Variants in MAP3K20 observed in about 807,000 individuals in gnomAD.
MAP3K20 encodes HCCS-4.
Under a neutral mutation model 85.7 loss-of-function variants are expected in MAP3K20, and 40 were observed. The ratio of observed to expected loss-of-function variants is 0.47; its 90% CI spans 0.36 to 0.61. The LOEUF is 0.61. Ranked by LOEUF, MAP3K20 falls within the 20% of genes least tolerant of loss-of-function variation. The pLI, the probability that MAP3K20 is intolerant of heterozygous loss-of-function variation, is 0.00. For missense variants in MAP3K20, 817 were observed against 961.7 expected, an observed-to-expected ratio of 0.85 and a Z score of 1.99; for synonymous variants, 325 against 327.7, an observed-to-expected ratio of 0.99 and a Z score of 0.09.
chr2:173,230,635 C>A (rs1684501224), intron 12 of MAP3K20, among the ~76,000 whole-genome samples: 1 of 152,198 alleles, frequency 6.6e-6, no homozygotes, highest in Middle Eastern at 3.2e-3. Context: ...GAGAAACAAT[C>A]CAACTTAGTC....
chr2:173,121,812 G>A (rs1324984874), intron 2 of MAP3K20, among the ~76,000 whole-genome samples: 1 of 152,032 alleles, frequency 6.6e-6, no homozygotes, highest in Non-Finnish European at 1.5e-5. Context: ...CTATCTCCAT[G>A]TTGGTAGATT....
intron 11 of MAP3K20, chr2:173,222,461 A>G: frequency 1.0e-6 from 1 of 985,848 alleles, no homozygotes. Context: ...GCCTCTTAAC[A>G]ACACACTGTC....
chr2:173,081,313 T>C (rs78613796), intron 1 of MAP3K20, among the ~76,000 whole-genome samples: 2,359 of 152,080 alleles, frequency 0.016, 60 homozygotes, highest in African/African-American at 0.054. Context: ...GGGTATGTGC[T>C]ACCTTGCCTG....
At chr2:173,114,228 CCATTT>C (rs1688053965) in intron 2 of MAP3K20, among the ~76,000 whole-genome samples, 1 of 152,068 alleles carries the variant, frequency 6.6e-6, no homozygotes, top group African/African-American at 2.4e-5. Context: ...CTTTTGGTGT[CCATTT>C]ACATGAAATG....
At chr2:173,088,571 G>T (rs957417174) in intron 1 of MAP3K20, among the ~76,000 whole-genome samples, 7 of 152,206 alleles carry the variant, frequency 4.6e-5, no homozygotes, top group African/African-American at 7.2e-5. Context: ...TGGGAATTGG[G>T]TATGGGGAAT....
intron 3 of MAP3K20, among the ~76,000 whole-genome samples, chr2:173,180,073 T>C (rs1365272959): frequency 6.6e-6 from 1 of 152,122 alleles, no homozygotes; most frequent in Non-Finnish European, 1.5e-5. Context: ...ACAATTCCTA[T>C]CCAAATCCCA....
At chr2:173,087,148 G>A (rs1020002630) in intron 1 of MAP3K20, among the ~76,000 whole-genome samples, 5 of 152,192 alleles carry the variant, frequency 3.3e-5, no homozygotes, top group African/African-American at 9.7e-5. Context: ...TAGGTGCTGA[G>A]GATCCAGATG....
intron 9 of MAP3K20, among the ~76,000 whole-genome samples, chr2:173,205,945 C>T (rs550303415): frequency 1.6e-4 from 24 of 152,208 alleles, no homozygotes; most frequent in Non-Finnish European, 3.1e-4. Flanking sequence ...ACTATAAGCA[C>T]GTATTTTCAA....
At chr2:173,257,820 C>T (rs1000523574) in intron 16 of MAP3K20, among the ~76,000 whole-genome samples, 2 of 152,146 alleles carry the variant, frequency 1.3e-5, no homozygotes, top group Non-Finnish European at 2.9e-5. Flanking sequence ...TCTTAGCCAA[C>T]ATTTGATGTT....
intron 2 of MAP3K20, among the ~76,000 whole-genome samples, chr2:173,114,976 C>T (rs1358715927): frequency 6.6e-6 from 1 of 152,190 alleles, no homozygotes; most frequent in Non-Finnish European, 1.5e-5. Flanking sequence ...AGGAAGTTTT[C>T]CTCGATTATT....
At chr2:173,232,996 A>AG (rs1684558905) in intron 14 of MAP3K20, among the ~76,000 whole-genome samples, 1 of 152,230 alleles carries the variant, frequency 6.6e-6, no homozygotes, top group Non-Finnish European at 1.5e-5. Flanking sequence ...ATGGTATAGT[A>AG]GGACTCACAG....
intron 16 of MAP3K20, among the ~76,000 whole-genome samples, chr2:173,247,131 A>C (rs574739247): frequency 3.9e-5 from 6 of 152,314 alleles, no homozygotes; most frequent in Admixed American, 3.9e-4. Flanking sequence ...CCCACTCCGC[A>C]GTGGAAGAAA....
intron 19 of MAP3K20, among the ~76,000 whole-genome samples, chr2:173,264,859 G>A (rs1025198161): frequency 3.3e-5 from 5 of 152,174 alleles, no homozygotes; most frequent in African/African-American, 1.2e-4. Context: ...GGGGAGAAGG[G>A]AGGGGAAATG....
chr2:173,214,621 A>T (rs192819500), intron 10 of MAP3K20: 2 of 152,298 alleles, frequency 1.3e-5, no homozygotes, highest in East Asian at 3.9e-4. Context: ...TCTTTTTACA[A>T]ATTGACCTTT....
chr2:173,210,078 G>A (rs1421461293), intron 10 of MAP3K20: 22 of 451,352 alleles, frequency 4.9e-5, no homozygotes, highest in African/African-American at 1.6e-4. Flanking sequence ...GAGGCCGGTC[G>A]CGGTGGCTCA....
At chr2:173,128,296 A>G (rs1217521144) in intron 2 of MAP3K20, among the ~76,000 whole-genome samples, 1 of 122,606 alleles carries the variant, frequency 8.2e-6, no homozygotes, top group Non-Finnish European at 1.8e-5. Flanking sequence ...CAGCATATGG[A>G]AAACATTATA....
intron 2 of MAP3K20, among the ~76,000 whole-genome samples, chr2:173,114,542 C>T (rs965406961): frequency 9.2e-5 from 14 of 152,068 alleles, no homozygotes; most frequent in African/African-American, 3.4e-4. Context: ...TGATGCGTTT[C>T]TAGGATTTGT....
At position 173,218,639 on chromosome 2, in the gene MAP3K20, C is replaced by T. The variant is rs73974109; in HGVS notation, c.987+1389C>T. 9.1e-3 allele frequency among the ~76,000 whole-genome samples: 1,387 copies of T among 152,220 alleles called. 25 individuals are homozygous for T. Among genetic ancestry groups the T allele is most frequent in the African/African-American group, 0.03 (1,234 of 41,520 alleles). On this transcript the variant is annotated intron_variant, in intron 11 of 19. Transcript: ENST00000375213. ...CCTAGAGCACAGCTTCTGAAGTCTG[C>T]GAGGTTTTGTTTTGCTTTAAAATGC...
intron 2 of MAP3K20, among the ~76,000 whole-genome samples, chr2:173,158,956 T>A (rs1689560172): frequency 1.3e-5 from 2 of 152,264 alleles, no homozygotes; most frequent in East Asian, 1.9e-4. Context: ...CTCTGTGTGC[T>A]GTTAATAATA....
Sources: gnomAD v4.1 joint callset for allele counts (sites outside exome capture counted in the v4.1 genomes callset) on GRCh38, gnomAD v4.1.1 for gene constraint, MANE v1.5 for transcripts, NCBI Gene and HGNC (gene_info 2026-07-23, HGNC 2026-07-21) for gene names.